Variants in CHD8 observed in about 807,000 individuals in gnomAD.
The protein encoded by CHD8 is chromodomain helicase DNA binding protein 8, also known as ATP-dependent chromatin remodeler CHD8.
A neutral mutation model predicts 279.2 loss-of-function variants in CHD8; 31 were observed. That is an observed-to-expected ratio of 0.11 (90% CI 0.08 to 0.15). The LOEUF is 0.15. Ranked by LOEUF, CHD8 falls within the 10% of genes least tolerant of loss-of-function variation. CHD8 has a pLI of 1.00. For missense variants in CHD8, 2,146 were observed against 3,230.5 expected (o/e 0.66, Z 8.14); for synonymous variants, 1,081 against 1,139.6 (o/e 0.95, Z 1.04).
At chr14:21,422,448 C>G (rs1395554656) in intron 5 of CHD8, among the ~76,000 whole-genome samples, 1 of 152,194 alleles carries the variant, frequency 6.6e-6, no homozygotes, top group African/African-American at 2.4e-5. Context: ...TTAGTAATCT[C>G]TGTGTATTTT....
Position 21,395,293 on chromosome 14 carries a change from T to A in CHD8, c.5182+5A>T. The A allele has an allele frequency of 6.2e-7, 1 of 1,604,440 alleles. No individual in the cohort carries two copies. The highest frequency in any genetic ancestry group is 8.5e-7 in the Non-Finnish European group (1 of 1,173,100). On this transcript the variant is annotated splice_donor_5th_base_variant and intron_variant, in intron 29 of 37. Coordinates refer to ENST00000646647, the MANE Select transcript of CHD8 (RefSeq NM_001170629.2). ...AGAATTATACTAGTTGACCTAGAAGTTTACCTTCATCTCCATCAATCACTG... is the reference window on the plus strand; with the variant it reads ...AGAATTATACTAGTTGACCTAGAAGATTACCTTCATCTCCATCAATCACTG...
chr14:21,404,466 C>T (rs945984575), intron 16 of CHD8, among the ~76,000 whole-genome samples: 5 of 148,798 alleles, frequency 3.4e-5, no homozygotes, highest in Admixed American at 2.0e-4. Context: ...CTAAGTAAGG[C>T]AGGCCTATGA....
intron 1 of CHD8, among the ~76,000 whole-genome samples, chr14:21,434,151 T>A (rs551782109): frequency 1.5e-4 from 23 of 151,716 alleles, no homozygotes; most frequent in Non-Finnish European, 3.4e-4. Context: ...GTTCAAGCGA[T>A]TCTCCTGCCT....
intron 2 of CHD8, chr14:21,429,768 G>A: frequency 3.4e-6 from 1 of 291,972 alleles, no homozygotes; most frequent in South Asian, 3.3e-5. Flanking sequence ...TCAGCCTCCT[G>A]AGTAGCTGGT....
At position 21,401,592 on chromosome 14, in the gene CHD8, A is replaced by AT. The variant is rs375753246; in HGVS notation, c.4063-80dup. 6.3e-3 allele frequency: 5,233 copies of AT among 828,282 alleles called. 5 individuals are homozygous for AT. Among genetic ancestry groups the AT allele is most frequent in the African/African-American group, 9.7e-3 (551 of 56,516 alleles). The allele number at this position is 828,282 out of a possible 1,614,324, so 51.3% of individuals were successfully genotyped here. A position where few individuals can be genotyped will look rare whatever the true frequency, so the allele number is the denominator to read the frequency against. On this transcript the variant is annotated intron_variant, in intron 20 of 37. Transcript: ENST00000646647. ...AAATCAGCAATTATGTTTTAAAAAC[A>AT]TTTTTTTTTTGAGACACAGTCTTGC...
intron 5 of CHD8, among the ~76,000 whole-genome samples, chr14:21,425,109 C>CA (rs1889250342): frequency 6.6e-6 from 1 of 152,130 alleles, no homozygotes; most frequent in Non-Finnish European, 1.5e-5. Flanking sequence ...CAACGTCCCT[C>CA]ATCTTCAAAA....
At chr14:21,432,587 G>C (rs1248428899) in intron 1 of CHD8, among the ~76,000 whole-genome samples, 1 of 152,050 alleles carries the variant, frequency 6.6e-6, no homozygotes, top group African/African-American at 2.4e-5. Flanking sequence ...AGTCCAACTA[G>C]ACTACACAAT....
chr14:21,392,739 C>A lies in CHD8; in HGVS notation c.6539G>T (p.Arg2180Leu). The A allele has an allele frequency of 6.2e-7, 1 of 1,613,996 alleles. No homozygotes were observed. Among genetic ancestry groups the A allele is most frequent in the South Asian group, 1.1e-5 (1 of 91,084 alleles). Residue 2180 changes from arginine to leucine, a missense_variant, in exon 34 of 38, where the codon CGT becomes CTT. Arg to Leu is a moderately radical substitution (Grantham distance 102, BLOSUM62 -2). Around this residue, in one of 26 missense-constraint regions of CHD8, gnomAD observed 513 missense variants for 637.6 expected, o/e 0.80. Coordinates refer to ENST00000646647, the MANE Select transcript of CHD8 (RefSeq NM_001170629.2). ...AVLSGKWPSS[R>L]RSQEMVTGGI... ...TCCTGTTACCATTTCCTGGCTCCTA[C>A]GGCTAGAAGGCCACTTCCCTGAGAG...
Position 21,422,411 on chromosome 14 carries a change from G to T in CHD8, c.1716+3717C>A, listed in dbSNP as rs186208550. Among the ~76,000 whole-genome samples the T allele has an allele frequency of 3.3e-5, 5 of 152,290 alleles. No homozygotes were observed. In the East Asian group the frequency reaches 9.6e-4, roughly 29 times the overall value. ...GTGGTATTTTGTTATGGTGGTCCTA[G>T]CAAACTAACAGACCACTTTCTAAAT... On this transcript the variant is annotated intron_variant, in intron 5 of 37. Coordinates refer to ENST00000646647, the MANE Select transcript of CHD8 (RefSeq NM_001170629.2).
intron 5 of CHD8, among the ~76,000 whole-genome samples, chr14:21,418,615 A>G (rs929413788): frequency 6.6e-6 from 1 of 152,206 alleles, no homozygotes; most frequent in African/African-American, 2.4e-5. Context: ...GGAGATCGAG[A>G]CCATCCTGGC....
Position 21,403,229 on chromosome 14 carries a change from G to A in CHD8, c.3519-17C>T, listed in dbSNP as rs1566423434. ...TATAAGTACCTGTATGGGAATCGCA[G>A]AAAAAAAATGTAAGTGGCTAAGCAG... On this transcript the variant is annotated splice_polypyrimidine_tract_variant and intron_variant, in intron 17 of 37. Coordinates refer to ENST00000646647, the MANE Select transcript of CHD8 (RefSeq NM_001170629.2). The surrounding 1 kb of genome is among the most constrained non-coding windows in gnomAD (Gnocchi z 4.3). 2 of 1,604,826 alleles carry A rather than the reference G, an allele frequency of 1.2e-6. No individual in the cohort carries two copies.
chr14:21,398,867 G>C (rs1866978964), intron 26 of CHD8: 1 of 245,888 alleles, frequency 4.1e-6, no homozygotes, highest in Non-Finnish European at 8.4e-6. Flanking sequence ...GGGACATGTA[G>C]AAAAACAGAA....
At chr14:21,404,163 C>G (rs146635186) in intron 16 of CHD8, among the ~76,000 whole-genome samples, 1 of 150,964 alleles carries the variant, frequency 6.6e-6, no homozygotes, top group African/African-American at 2.4e-5. Flanking sequence ...TTTGGGAGAC[C>G]GAAGCGGGCA....
At chr14:21,417,640 G>A (rs1888787106) in intron 5 of CHD8, among the ~76,000 whole-genome samples, 3 of 151,744 alleles carry the variant, frequency 2.0e-5, no homozygotes, top group Non-Finnish European at 2.9e-5. Context: ...GCATCATGAG[G>A]TCAGGAGATT....
At chr14:21,422,548 C>T (rs1594368876) in intron 5 of CHD8, among the ~76,000 whole-genome samples, 1 of 152,118 alleles carries the variant, frequency 6.6e-6, no homozygotes, top group Non-Finnish European at 1.5e-5. Flanking sequence ...TTAACCTTTA[C>T]TTAAAAAACA....
chr14:21,389,935 T>C (rs1411902827), intron 37 of CHD8, among the ~76,000 whole-genome samples: 7 of 152,126 alleles, frequency 4.6e-5, no homozygotes, highest in Admixed American at 1.3e-4. Flanking sequence ...CTAAAATATA[T>C]AGAATTAGAA....
At chr14:21,443,681 C>T (rs2139565726) in intron 1 of CHD8, among the ~76,000 whole-genome samples, 1 of 151,830 alleles carries the variant, frequency 6.6e-6, no homozygotes, top group South Asian at 2.1e-4. Flanking sequence ...GGTGAAACCC[C>T]ATCTCTACTA....
intron 1 of CHD8, among the ~76,000 whole-genome samples, chr14:21,451,519 C>T (rs1454490256): frequency 7.0e-6 from 1 of 143,738 alleles, no homozygotes; most frequent in Admixed American, 7.3e-5. Flanking sequence ...TTGTGCTGAG[C>T]CGAGATCGCT....
intron 36 of CHD8, among the ~76,000 whole-genome samples, 161 bp downstream of exon 36, chr14:21,391,302 A>G (rs1006513404): frequency 6.6e-6 from 1 of 152,216 alleles, no homozygotes; most frequent in Non-Finnish European, 1.5e-5. Context: ...TATTTTGGGC[A>G]TCACAACAAT....
Sources: gnomAD v4.1 joint callset for allele counts (sites outside exome capture counted in the v4.1 genomes callset) on GRCh38, gnomAD v4.1.1 for gene constraint, gnomAD v4.1.1 regional missense constraint, Gnocchi (gnomAD v3.1) non-coding constraint, MANE v1.5 for transcripts, NCBI Gene and HGNC (gene_info 2026-07-23, HGNC 2026-07-21) for gene names.